BMPR2: variants seen among roughly 807,000 people sequenced by gnomAD.
BMPR2 encodes the protein bone morphogenetic protein receptor type-2.
Under a neutral mutation model 100.8 loss-of-function variants are expected in BMPR2, and 29 were observed. The ratio of observed to expected loss-of-function variants is 0.29; its 90% CI spans 0.21 to 0.39. The LOEUF (loss-of-function observed/expected upper bound fraction) is 0.39. Among genes scored for constraint, BMPR2 ranks in the 10% least tolerant of loss-of-function variants. The probability of loss-of-function intolerance (pLI) is 1.00; values close to 1 mark genes in which losing one functional copy is unlikely to be tolerated. For synonymous variants in BMPR2, 382 were observed against 442.3 expected (o/e 0.86, Z 1.71); for missense variants, 1,011 against 1,274.5 (o/e 0.79, Z 3.15).
At chr2:202,437,045 T>G (rs930888414) in intron 1 of BMPR2, among the ~76,000 whole-genome samples, 3 of 150,382 alleles carry the variant, frequency 2.0e-5, no homozygotes, top group Non-Finnish European at 2.9e-5. Context: ...TCTCGCTTGG[T>G]CCGAGGCTGG....
intron 1 of BMPR2, among the ~76,000 whole-genome samples, chr2:202,450,634 T>G (rs1334729113): frequency 7.1e-6 from 1 of 140,832 alleles, no homozygotes; most frequent in Non-Finnish European, 1.5e-5. Context: ...GAGGTTGCAG[T>G]GAGCCCAGAT....
chr2:202,477,367 T>C (rs1487338532), intron 3 of BMPR2, among the ~76,000 whole-genome samples: 1 of 152,204 alleles, frequency 6.6e-6, no homozygotes, highest in Non-Finnish European at 1.5e-5. Flanking sequence ...TGAAAGCCTA[T>C]ATTCTGTGAT....
intron 1 of BMPR2, among the ~76,000 whole-genome samples, chr2:202,424,144 C>T (rs765714609): frequency 1.2e-4 from 18 of 148,694 alleles, no homozygotes; most frequent in Non-Finnish European, 2.2e-4. Context: ...GAGGCCGAGG[C>T]GGGCAGATCA....
chr2:202,528,319 C>G (rs1269692347), intron 7 of BMPR2, among the ~76,000 whole-genome samples: 1 of 152,184 alleles, frequency 6.6e-6, no homozygotes, highest in Non-Finnish European at 1.5e-5. Flanking sequence ...TCCAGAGTAG[C>G]TGGGACTACA....
chr2:202,451,831 C>T (rs1691993023), intron 1 of BMPR2, among the ~76,000 whole-genome samples: 1 of 152,120 alleles, frequency 6.6e-6, no homozygotes, highest in Non-Finnish European at 1.5e-5. Flanking sequence ...CTCACCACAA[C>T]CACCATCTCC....
chr2:202,417,460 G>A (rs919857336), intron 1 of BMPR2, among the ~76,000 whole-genome samples: 18 of 152,066 alleles, frequency 1.2e-4, no homozygotes, highest in African/African-American at 4.1e-4. Flanking sequence ...GCGCCACCAT[G>A]CCCGTCTAAT....
At chr2:202,395,908 G>A (rs951387982) in intron 1 of BMPR2, among the ~76,000 whole-genome samples, 6 of 152,116 alleles carry the variant, frequency 3.9e-5, no homozygotes, top group East Asian at 3.8e-4. Flanking sequence ...TTGCACTCCA[G>A]CCTGGGCAAC....
chr2:202,393,524 A>G (rs961739403), intron 1 of BMPR2, among the ~76,000 whole-genome samples: 1 of 152,064 alleles, frequency 6.6e-6, no homozygotes, highest in Admixed American at 6.6e-5. Flanking sequence ...TCAAACTCCT[A>G]GGCACAAGCG....
intron 3 of BMPR2, among the ~76,000 whole-genome samples, chr2:202,489,718 TACAG>T (rs1692858959): frequency 6.6e-6 from 1 of 152,212 alleles, no homozygotes; most frequent in African/African-American, 2.4e-5. Flanking sequence ...GGGCATTACT[TACAG>T]ACTCCTTTGT....
chr2:202,443,624 C>T lies in BMPR2; in HGVS notation c.77-21185C>T, dbSNP rs1423858574. Among the ~76,000 whole-genome samples the T allele has an allele frequency of 2.0e-5, 3 of 149,498 alleles. 1 individual carries two copies. Among genetic ancestry groups the T allele is most frequent in the African/African-American group, 7.7e-5 (3 of 39,178 alleles). On this transcript the variant is annotated intron_variant, in intron 1 of 12. Transcript: ENST00000374580. ...TGTCACCCAGGCTGGAGTGCAGTGGCGCGATCTCGGCTGACTACAACCTCC... is the reference window on the plus strand; with the variant it reads ...TGTCACCCAGGCTGGAGTGCAGTGGTGCGATCTCGGCTGACTACAACCTCC...
At chr2:202,433,825 T>C (rs1369504197) in intron 1 of BMPR2, among the ~76,000 whole-genome samples, 2 of 150,428 alleles carry the variant, frequency 1.3e-5, no homozygotes, top group Non-Finnish European at 2.9e-5. Context: ...GGAGAATTGC[T>C]TGAACCCGGG....
intron 1 of BMPR2, among the ~76,000 whole-genome samples, chr2:202,452,848 T>C (rs1692015577): frequency 1.3e-5 from 2 of 152,166 alleles, no homozygotes; most frequent in Non-Finnish European, 2.9e-5. Flanking sequence ...TGTGCATAAG[T>C]ATAGAATGTT....
intron 1 of BMPR2, among the ~76,000 whole-genome samples, chr2:202,452,205 T>C (rs531644223): frequency 6.6e-6 from 1 of 152,348 alleles, no homozygotes; most frequent in East Asian, 1.9e-4. Flanking sequence ...ACTGATCTGC[T>C]TTAGATTACT....
intron 1 of BMPR2, among the ~76,000 whole-genome samples, chr2:202,432,431 A>G (rs1691524423): frequency 6.6e-6 from 1 of 150,496 alleles, no homozygotes. Context: ...ATGTGGAGAC[A>G]TTTTTTGGTT....
chr2:202,546,404 T>C (rs1273985698), intron 10 of BMPR2, among the ~76,000 whole-genome samples: 1 of 152,162 alleles, frequency 6.6e-6, no homozygotes, highest in African/African-American at 2.4e-5. Context: ...AAGCATAGTT[T>C]AGTCAATAAA....
intron 7 of BMPR2, 70 bp from the exon 8 acceptor site, chr2:202,530,720 ATATT>A: frequency 7.6e-7 from 1 of 1,324,232 alleles, no homozygotes; most frequent in African/African-American, 1.5e-5. Flanking sequence ...TACTACTTCT[ATATT>A]TATGTATGTT....
Position 202,377,545 on chromosome 2 carries a change from C to T in BMPR2, c.71C>T (p.Ala24Val), listed in dbSNP as rs370120266. 4 of 1,614,006 alleles carry T rather than the reference C, an allele frequency of 2.5e-6. No homozygotes were observed. The highest frequency in any genetic ancestry group is 2.7e-5 in the African/African-American group (2 of 74,930). The change falls in exon 1 of 13, where the codon GCG (alanine) becomes GTG (valine). Residue 24 changes from alanine to valine, a missense_variant. Physicochemically the swap from Ala to Val is moderately conservative, Grantham distance 64 (BLOSUM62 0). Transcript: ENST00000374580. ...TGGACCATCCTGCTGGTCAGCACTG[C>T]GGCTGGTGAGTAGCTCCGGCCGGCA... ...LPWTILLVST[A>V]AASQNQERLC...
At chr2:202,522,668 A>C (rs1435107709) in intron 7 of BMPR2, among the ~76,000 whole-genome samples, 1 of 151,932 alleles carries the variant, frequency 6.6e-6, no homozygotes, top group Non-Finnish European at 1.5e-5. Context: ...CCATCTCTAC[A>C]AAAAAAGTTT....
intron 3 of BMPR2, among the ~76,000 whole-genome samples, chr2:202,475,370 C>T (rs1331980106): frequency 6.6e-6 from 1 of 152,004 alleles, no homozygotes; most frequent in African/African-American, 2.4e-5. Flanking sequence ...AGTGTAACAT[C>T]TCACGTACCC....
Sources: allele counts gnomAD v4.1 joint callset (sites outside exome capture counted in the v4.1 genomes callset), GRCh38; gene constraint gnomAD v4.1.1; transcripts MANE v1.5; gene names NCBI Gene and HGNC (gene_info 2026-07-23, HGNC 2026-07-21).